The following PSMG2 variants were observed in gnomAD, a reference collection of about 807,000 sequenced individuals.
PSMG2 encodes proteasome assembly chaperone 2.
Under a neutral mutation model 31.5 loss-of-function variants are expected in PSMG2, and 21 were observed. The observed-to-expected ratio is 0.67, with a 90% CI of 0.47 to 0.96. The LOEUF (loss-of-function observed/expected upper bound fraction) is 0.96, where lower values mean the gene tolerates loss of function less well. PSMG2 is among the 40% of genes least tolerant of loss of function. PSMG2 has a pLI of 0.00. For synonymous variants in PSMG2, 120 were observed against 110.4 expected (o/e 1.09, Z -0.54); for missense variants, 318 against 321.2 (o/e 0.99, Z 0.08).
intron 3 of PSMG2, among the ~76,000 whole-genome samples, chr18:12,714,800 G>A (rs1203418410): frequency 6.6e-6 from 1 of 152,010 alleles, no homozygotes; most frequent in Non-Finnish European, 1.5e-5. Flanking sequence ...CCGCCTCCTG[G>A]GTTCAAGTGA....
chr18:12,719,944 T>G (rs1253207965), intron 4 of PSMG2, among the ~76,000 whole-genome samples: 1 of 151,978 alleles, frequency 6.6e-6, no homozygotes, highest in African/African-American at 2.4e-5. Context: ...CTCGAACTCC[T>G]GACCTCAGGT....
chr18:12,664,251 A>T (rs2038758346), intron 1 of PSMG2, among the ~76,000 whole-genome samples: 1 of 152,148 alleles, frequency 6.6e-6, no homozygotes, highest in Non-Finnish European at 1.5e-5. Flanking sequence ...AATTTTTTAA[A>T]ACTTTTTGTA....
At chr18:12,701,224 T>A, upstream of PSMG2, 1 of 733,790 alleles carries the variant, frequency 1.4e-6, no homozygotes, top group Non-Finnish European at 2.3e-6. Context: ...TTACCACAAT[T>A]GAATGGGAAC....
intron 1 of PSMG2, chr18:12,697,516 G>A (rs1810029656): frequency 5.3e-6 from 4 of 755,410 alleles, no homozygotes; most frequent in Non-Finnish European, 8.0e-6. Context: ...TAAAACCAAA[G>A]AGAACAATTT....
intron 1 of PSMG2, among the ~76,000 whole-genome samples, chr18:12,677,286 A>G (rs1198762970): frequency 2.0e-5 from 3 of 151,974 alleles, no homozygotes; most frequent in Non-Finnish European, 4.4e-5. Context: ...CAAAAAATAC[A>G]AAAACTGGCA....
At chr18:12,689,992 T>C (rs1164486730) in intron 1 of PSMG2, among the ~76,000 whole-genome samples, 1 of 152,240 alleles carries the variant, frequency 6.6e-6, no homozygotes, top group East Asian at 1.9e-4. Flanking sequence ...TTTCGCCATG[T>C]TGGCCAGGCT....
chr18:12,663,802 G>A (rs2038748879), intron 1 of PSMG2, among the ~76,000 whole-genome samples: 1 of 152,038 alleles, frequency 6.6e-6, no homozygotes, highest in Non-Finnish European at 1.5e-5. Context: ...ATCTCATTCT[G>A]CTGCCCAGGC....
rs554786954 is a variant in PSMG2, at chr18:12,690,078, C to A, written c.-36-16472C>A. Reference sequence around the variant, plus strand: ...TGCTGGGATTACAGGCGTGAGCCACCGCGCCCGGCCAGGAAGCCAGTTACA... The same window carrying A: ...TGCTGGGATTACAGGCGTGAGCCACAGCGCCCGGCCAGGAAGCCAGTTACA... On this transcript the variant is annotated intron_variant, in intron 1 of 6. Coordinates refer to the PSMG2 transcript ENST00000585331. 2.2e-4 allele frequency among the ~76,000 whole-genome samples: 31 copies of A among 141,162 alleles called. 1 individual carries two copies. The South Asian group carries it at 5.4e-3, about 24-fold the overall frequency. The allele number at this position is 141,162 out of a possible 152,430, so 92.6% of individuals were successfully genotyped here.
intron 1 of PSMG2, chr18:12,692,051 C>G (rs1014755621): frequency 2.6e-5 from 4 of 152,088 alleles, no homozygotes; most frequent in African/African-American, 9.7e-5. Context: ...CATGGTGGCT[C>G]ACGCCTGTAA....
At chr18:12,672,797 T>G in intron 1 of PSMG2, 1 of 982,894 alleles carries the variant, frequency 1.0e-6, no homozygotes, top group Non-Finnish European at 1.2e-6. Flanking sequence ...TGGTATTAGT[T>G]TTTTCCTACT....
intron 1 of PSMG2, chr18:12,686,511 T>A: frequency 3.4e-6 from 4 of 1,187,374 alleles, no homozygotes; most frequent in Non-Finnish European, 4.9e-6. Context: ...TATGTTTTTT[T>A]CAAATACATT....
At chr18:12,722,203 C>G (rs766153966) in intron 5 of PSMG2, among the ~76,000 whole-genome samples, 4 of 152,168 alleles carry the variant, frequency 2.6e-5, no homozygotes, top group Admixed American at 2.0e-4. Context: ...ATCAGACTTG[C>G]CCTCCTGCCA....
At chr18:12,702,660 C>G (rs765044741), upstream of PSMG2, 5 of 1,271,066 alleles carry the variant, frequency 3.9e-6, no homozygotes, top group East Asian at 2.7e-5. Flanking sequence ...GCGCCGCAGC[C>G]GTTCGCCTAG....
intron 2 of PSMG2, among the ~76,000 whole-genome samples, chr18:12,710,204 A>C (rs1361923005): frequency 6.6e-6 from 1 of 151,850 alleles, no homozygotes; most frequent in African/African-American, 2.4e-5. Context: ...AGCTTCCCAA[A>C]GTGCTGGGAT....
intron 1 of PSMG2, among the ~76,000 whole-genome samples, chr18:12,679,992 G>A (rs1340148909): frequency 6.6e-6 from 1 of 150,924 alleles, no homozygotes; most frequent in Non-Finnish European, 1.5e-5. Flanking sequence ...GGAGGGGGAG[G>A]CTGCAGTGGG....
intron 1 of PSMG2, 149 bp downstream of exon 1, chr18:12,703,313 G>C: frequency 1.1e-6 from 1 of 913,018 alleles, no homozygotes; most frequent in Non-Finnish European, 1.6e-6. Context: ...GGAGGTTGTA[G>C]CCGGAGGCAG....
intron 3 of PSMG2, among the ~76,000 whole-genome samples, chr18:12,717,094 C>T (rs974263452): frequency 2.6e-5 from 4 of 151,264 alleles, no homozygotes; most frequent in South Asian, 2.1e-4. Flanking sequence ...GGGCTACAGA[C>T]GTGCACTACC....
chr18:12,669,038 T>TC (rs1399898434), intron 1 of PSMG2, among the ~76,000 whole-genome samples: 7 of 94,956 alleles, frequency 7.4e-5, no homozygotes, highest in African/African-American at 2.6e-4. Flanking sequence ...CGCACTTTTT[T>TC]TTTTTTTTTT....
At chr18:12,666,915 A>G (rs2038815882) in intron 1 of PSMG2, among the ~76,000 whole-genome samples, 1 of 152,162 alleles carries the variant, frequency 6.6e-6, no homozygotes. Flanking sequence ...TGACAAAAAA[A>G]GTAAATCTTA....
Sources: gnomAD v4.1 joint callset for allele counts (sites outside exome capture counted in the v4.1 genomes callset) on GRCh38, gnomAD v4.1.1 for gene constraint, MANE v1.5 for transcripts, NCBI Gene and HGNC (gene_info 2026-07-23, HGNC 2026-07-21) for gene names.